Variants in MYBPC2 observed in about 807,000 individuals in gnomAD.
MYBPC2 encodes myosin binding protein C2, also known as myosin-binding protein C, fast-type.
MYBPC2 carries 122 observed loss-of-function variants against 137.0 expected under a neutral mutation model. That is an observed-to-expected ratio of 0.89 (90% confidence interval 0.77 to 1.03). The LOEUF (loss-of-function observed/expected upper bound fraction) is 1.03, where lower values mean the gene tolerates loss of function less well. Among genes scored for constraint, MYBPC2 ranks in the 50% least tolerant of loss-of-function variants. The pLI is 0.00. For synonymous variants in MYBPC2, 626 were observed against 612.3 expected, an observed-to-expected ratio of 1.02 and a Z score of -0.33; for missense variants, 1,500 against 1,534.4, an observed-to-expected ratio of 0.98 and a Z score of 0.37.
At chr19:50,441,171 G>A in intron 8 of MYBPC2, 95 bp downstream of exon 8, 1 of 1,335,252 alleles carries the variant, frequency 7.5e-7, no homozygotes, top group Non-Finnish European at 9.9e-7. Context: ...ATCTTTTCGA[G>A]GTCCCAATGA....
At chr19:50,436,965 A>G (rs2039709531) in intron 5 of MYBPC2, among the ~76,000 whole-genome samples, 1 of 152,144 alleles carries the variant, frequency 6.6e-6, no homozygotes, top group Non-Finnish European at 1.5e-5. Context: ...ATGCACATGC[A>G]AAGGCTTAGG....
At position 50,451,907 on chromosome 19, in the gene MYBPC2, G is replaced by T. The variant is rs199625688; in HGVS notation, c.1653G>T (p.Glu551Asp). The T allele has an allele frequency of 3.5e-3, 5,582 of 1,587,182 alleles. 15 individuals are homozygous for T. The highest frequency in any genetic ancestry group is 4.5e-3 in the Non-Finnish European group (5,243 of 1,166,170). Residue 551 changes from glutamate to aspartate, a missense_variant, in exon 16 of 28, where the codon GAG (glutamate) becomes GAT (aspartate). By Grantham distance (45) the Glu-to-Asp change is conservative (BLOSUM62 2). Transcript: ENST00000357701. ...TGGATTGCTCGGGGAAGACCTCAGA[G>T]AATGCGATTGTGGTTGTGGCTGGAA... ...IHLDCSGKTS[E>D]NAIVVVAGNK...
rs549677540 is a variant in MYBPC2 at position 50,465,491 on chromosome 19, G to T, written c.3416-704G>T. Among the ~76,000 whole-genome samples the T allele has an allele frequency of 1.3e-5, 2 of 152,248 alleles. No homozygotes were observed. Among genetic ancestry groups the T allele is most frequent in the Admixed American group, 1.3e-4 (2 of 15,300 alleles). On this transcript the variant is annotated intron_variant, in intron 27 of 27. Coordinates refer to ENST00000357701, the MANE Select transcript of MYBPC2 (RefSeq NM_004533.4). This position sits in a 1 kb window ranked among gnomAD's most constrained non-coding sequence, Gnocchi z 4.5. Reference sequence around the variant, plus strand: ...TGACTTCTGACCTCTGACTTCCCTGGCTCTGAGGACAGCCCAGCAGACAGG... The same window carrying T: ...TGACTTCTGACCTCTGACTTCCCTGTCTCTGAGGACAGCCCAGCAGACAGG...
intron 7 of MYBPC2, 111 bp downstream of exon 7, chr19:50,437,829 C>A: frequency 8.2e-7 from 1 of 1,220,358 alleles, no homozygotes; most frequent in South Asian, 1.3e-5. Context: ...TATCCCTCTA[C>A]CACCTCCATC....
rs200330284 is a variant in MYBPC2 at position 50,448,309 on chromosome 19, A to G, written c.1391A>G (p.Asp464Gly). ...EQAVFKCEVS[D>G]EKVTGKWYKN... is the part of the protein sequence containing the mutation. Reference sequence around the variant, plus strand: ...GCTGTGTTCAAGTGCGAGGTGTCTGATGAGAAAGTGACGGGCAAGTGGTAT... The same window carrying G: ...GCTGTGTTCAAGTGCGAGGTGTCTGGTGAGAAAGTGACGGGCAAGTGGTAT... The change falls in exon 13 of 28, where the codon GAT (aspartate) becomes GGT (glycine). Residue 464 changes from aspartate to glycine, a missense_variant. Coordinates refer to ENST00000357701, the MANE Select transcript of MYBPC2 (RefSeq NM_004533.4). 10 of 1,613,918 alleles carry G rather than the reference A, an allele frequency of 6.2e-6. No individual in the cohort carries two copies. The Admixed American group carries it at 1.3e-4, about 22-fold the overall frequency.
In MYBPC2 at chr19:50,458,983, C is replaced by T; in HGVS notation, c.2572C>T (p.Leu858Phe). The T allele has an allele frequency of 6.2e-7, 1 of 1,612,490 alleles. No individual in the cohort carries two copies. The highest frequency in any genetic ancestry group is 1.7e-5 in the Admixed American group (1 of 59,956). Reference protein sequence around the residue: ...QTYIRKVGEQLNLVVPFQGKP... With the variant: ...QTYIRKVGEQFNLVVPFQGKP... ...CTACATCCGCAAAGTGGGCGAGCAG[C>T]TCAACCTTGTCGTCCCCTTCCAGGT... Residue 858 changes from leucine (L) to phenylalanine (F), a missense_variant, in exon 22 of 28, where the codon CTC becomes TTC. By Grantham distance (22) the Leu-to-Phe change is conservative (BLOSUM62 0). Coordinates refer to ENST00000357701, the MANE Select transcript of MYBPC2 (RefSeq NM_004533.4).
In MYBPC2 at chr19:50,443,821, G is replaced by T; in HGVS notation, c.1133+5G>T. The T allele has an allele frequency of 1.9e-6, 3 of 1,611,942 alleles. No homozygotes were observed. Among genetic ancestry groups the T allele is most frequent in the Non-Finnish European group, 2.5e-6 (3 of 1,178,310 alleles). On this transcript the variant is annotated splice_donor_5th_base_variant and intron_variant, in intron 11 of 27. Coordinates refer to ENST00000357701, the MANE Select transcript of MYBPC2 (RefSeq NM_004533.4). Reference sequence around the variant, plus strand: ...AGAGGGTGCCCAGGTGATGTGGTAAGTGACCCTTGATCCCTGATCTCCATA... The same window carrying T: ...AGAGGGTGCCCAGGTGATGTGGTAATTGACCCTTGATCCCTGATCTCCATA...
At position 50,442,270 on chromosome 19, in the gene MYBPC2, C is replaced by A; in HGVS notation, c.859C>A (p.Leu287Ile). The change falls in exon 9 of 28, where the codon CTC (leucine) becomes ATC (isoleucine). Residue 287 changes from leucine to isoleucine, a missense_variant. Coordinates refer to ENST00000357701, the MANE Select transcript of MYBPC2 (RefSeq NM_004533.4). ...MVEISDPDLT[L>I]KWFKNGQEIK... is the part of the protein sequence containing the mutation. ...AGAGATCAGCGACCCAGACCTGACC[C>A]TCAAGTGGTTCAAGAACGGCCAGGA... 1 of 1,607,734 alleles carries A rather than the reference C, an allele frequency of 6.2e-7. No homozygotes were observed. The highest frequency in any genetic ancestry group is 8.5e-7 in the Non-Finnish European group (1 of 1,177,310).
In MYBPC2 at chr19:50,455,071, C is replaced by T. The variant is rs1054751977; in HGVS notation, c.2015-37C>T. On this transcript the variant is annotated intron_variant, in intron 18 of 27. Transcript: ENST00000357701. The stretch of plus-strand genomic sequence containing the variant: ...CCAGCTGACTCATGCCCCATGCCCT[C>T]CCGTTCCCTCTTCTCCTCTCTGCTT... 1.9e-6 allele frequency: 3 copies of T among 1,569,246 alleles called. No homozygotes were observed. In the African/African-American group the frequency reaches 4.1e-5, roughly 21 times the overall value.
At chr19:50,463,181 A>C (rs536414783) in intron 26 of MYBPC2, among the ~76,000 whole-genome samples, 2 of 152,284 alleles carry the variant, frequency 1.3e-5, no homozygotes, top group Non-Finnish European at 2.9e-5. Flanking sequence ...ATATTTGTTT[A>C]TGTTTTGTTT....
chr19:50,449,602 A>G (rs909147528), intron 13 of MYBPC2, among the ~76,000 whole-genome samples: 22 of 152,344 alleles, frequency 1.4e-4, no homozygotes, highest in Admixed American at 2.0e-4. Flanking sequence ...TTTCAAGGGC[A>G]TGGACACCGG....
intron 19 of MYBPC2, 33 bp from the exon 20 acceptor site, chr19:50,455,477 C>G: frequency 6.3e-7 from 1 of 1,598,654 alleles, no homozygotes; most frequent in Non-Finnish European, 8.6e-7. Context: ...ACCCCTCATT[C>G]CCCCCATATC....
In MYBPC2 at chr19:50,454,145, C is replaced by T. The variant is rs367928657; in HGVS notation, c.1875C>T (p.Gly625=). 4.3e-6 allele frequency: 7 copies of T among 1,613,576 alleles called. No homozygotes were observed. The highest frequency in any genetic ancestry group is 1.1e-5 in the South Asian group (1 of 91,004). The change falls in exon 17 of 28, where the codon GGC becomes GGT. Residue 625 remains glycine (G), a synonymous_variant. Transcript: ENST00000357701. ...CCATCAAGGTCACCAACCCCGTCGG[C>T]GAGGACGTGGCTTCCATCTTCCTGC... ...RYTIKVTNPV[G]EDVASIFLQV...
In MYBPC2 at chr19:50,441,084, C is replaced by T. The variant is rs749692174; in HGVS notation, c.769+8C>T. ...AGGTCAAGAAGAGTGCAGGTCAGCCCTGGTCTGGGGGGAGCTGGGCCCTGC... is the reference window on the plus strand; with the variant it reads ...AGGTCAAGAAGAGTGCAGGTCAGCCTTGGTCTGGGGGGAGCTGGGCCCTGC... On this transcript the variant is annotated splice_region_variant and intron_variant, in intron 8 of 27. Coordinates refer to ENST00000357701, the MANE Select transcript of MYBPC2 (RefSeq NM_004533.4). 9.5e-6 allele frequency: 15 copies of T among 1,579,200 alleles called. No individual in the cohort carries two copies. In the Admixed American group the frequency reaches 2.7e-4, roughly 29 times the overall value.
intron 26 of MYBPC2, among the ~76,000 whole-genome samples, chr19:50,462,592 C>CT (rs2039981663): frequency 6.6e-6 from 1 of 151,312 alleles, no homozygotes. Context: ...TTCCTTCTTT[C>CT]TTTCTTTTTT....
In MYBPC2 at chr19:50,454,347, C is replaced by A. The variant is rs25666; in HGVS notation, c.1992C>A (p.Tyr664Ter). The A allele has an allele frequency of 6.2e-7, 1 of 1,610,718 alleles. No individual in the cohort carries two copies. The highest frequency in any genetic ancestry group is 1.3e-5 in the African/African-American group (1 of 74,514). Residue 664 changes from tyrosine to a stop codon, truncating the protein, a stop_gained, in exon 18 of 28, where the codon TAC (tyrosine) becomes TAA (stop). Coordinates refer to ENST00000357701, the MANE Select transcript of MYBPC2 (RefSeq NM_004533.4). LOFTEE classifies it high-confidence loss of function. ...WAILVWEPPM[Y>*]DGGKPVTGYL... ...TCCTTGTCTGGGAGCCACCAATGTA[C>A]GATGGGGGGAAGCCAGTCACCGGTG...
At position 50,436,003 on chromosome 19, in the gene MYBPC2, C is replaced by G. The variant is rs1310570765; in HGVS notation, c.197-9C>G. 6 of 1,573,508 alleles carry G rather than the reference C, an allele frequency of 3.8e-6. No individual in the cohort carries two copies. In the African/African-American group the frequency reaches 8.1e-5, roughly 21 times the overall value. On this transcript the variant is annotated splice_polypyrimidine_tract_variant and intron_variant, in intron 3 of 27. Transcript: ENST00000357701. ...CCTCCCACTCTACCCTGTCACTCACCCCATGTAGGGAAGGACGCAGTGGTC... is the reference window on the plus strand; with the variant it reads ...CCTCCCACTCTACCCTGTCACTCACGCCATGTAGGGAAGGACGCAGTGGTC...
chr19:50,443,016 T>C (rs2039770358), intron 9 of MYBPC2, among the ~76,000 whole-genome samples: 1 of 152,052 alleles, frequency 6.6e-6, no homozygotes, highest in African/African-American at 2.4e-5. Context: ...TCAAGCAATC[T>C]GCCTGCCTCA....
intron 27 of MYBPC2, among the ~76,000 whole-genome samples, 153 bp downstream of exon 27, chr19:50,464,685 G>C (rs1412345014): frequency 6.6e-6 from 1 of 152,182 alleles, no homozygotes; most frequent in Non-Finnish European, 1.5e-5. Flanking sequence ...CCTGAAGGCA[G>C]CACAGGGCAT....
Sources: gnomAD v4.1 joint callset for allele counts (sites outside exome capture counted in the v4.1 genomes callset) on GRCh38, gnomAD v4.1.1 for gene constraint, Gnocchi (gnomAD v3.1) non-coding constraint, MANE v1.5 for transcripts, NCBI Gene and HGNC (gene_info 2026-07-23, HGNC 2026-07-21) for gene names.